Variants in NEURL1 observed in about 807,000 individuals in gnomAD.
The protein encoded by NEURL1 is E3 ubiquitin-protein ligase NEURL1.
A neutral mutation model predicts 41.2 loss-of-function variants in NEURL1; 26 were observed. The ratio of observed to expected loss-of-function variants is 0.63; its 90% CI spans 0.46 to 0.87. The LOEUF (loss-of-function observed/expected upper bound fraction) is 0.87, where lower values mean the gene tolerates loss of function less well. Among genes scored for constraint, NEURL1 ranks in the 40% least tolerant of loss-of-function variants. The pLI is 0.00. For missense variants in NEURL1, 761 were observed against 871.1 expected, an observed-to-expected ratio of 0.87 and a Z score of 1.59; for synonymous variants, 400 against 402.3, an observed-to-expected ratio of 0.99 and a Z score of 0.07.
chr10:103,587,433 A>G (rs1564834648), intron 4 of NEURL1, among the ~76,000 whole-genome samples: 2 of 152,244 alleles, frequency 1.3e-5, no homozygotes, highest in African/African-American at 4.8e-5. Flanking sequence ...CCAGAATTCA[A>G]TATACATTCA....
chr10:103,547,815 C>G (rs1202679372), intron 1 of NEURL1, among the ~76,000 whole-genome samples: 3 of 151,172 alleles, frequency 2.0e-5, no homozygotes, highest in African/African-American at 7.3e-5. Flanking sequence ...TCTCATAATC[C>G]AGGCAGGCCC....
intron 1 of NEURL1, among the ~76,000 whole-genome samples, chr10:103,510,542 C>A (rs1390519106): frequency 6.6e-6 from 1 of 152,178 alleles, no homozygotes; most frequent in Non-Finnish European, 1.5e-5. Context: ...CAACAGCCCC[C>A]CTCCTTGTAG....
At position 103,585,173 on chromosome 10, in the gene NEURL1, G is replaced by A. The variant is rs1307761845; in HGVS notation, c.1287G>A (p.Pro429=). The A allele has an allele frequency of 6.3e-7, 1 of 1,586,098 alleles. No homozygotes were observed. The highest frequency in any genetic ancestry group is 8.5e-7 in the Non-Finnish European group (1 of 1,171,434). Reference sequence around the variant, plus strand: ...AGCTGTGCGTGGACGCCTCGCAGCCGCTTTGGATGCTCTTCGGCCTGCACG... The same window carrying A: ...AGCTGTGCGTGGACGCCTCGCAGCCACTTTGGATGCTCTTCGGCCTGCACG... ...GMQLCVDASQ[P]LWMLFGLHGT... The change falls in exon 4 of 6, where the codon CCG becomes CCA. Residue 429 remains proline (P), a synonymous_variant. Coordinates refer to ENST00000369780, the MANE Select transcript of NEURL1 (RefSeq NM_004210.5).
Position 103,511,286 on chromosome 10 carries a change from G to C in NEURL1, c.85+16814G>C, listed in dbSNP as rs542654774. On this transcript the variant is annotated intron_variant, in intron 1 of 5. Transcript: ENST00000369780. ...CACAGGGGGAGCTCTGGGTCTGCAG[G>C]GACCCCCAGGCCCCCTCTCTTGGCC... Among the ~76,000 whole-genome samples the C allele has an allele frequency of 2.0e-5, 3 of 152,282 alleles. No homozygotes were observed. In the East Asian group the frequency reaches 5.8e-4, roughly 29 times the overall value.
chr10:103,584,484 G>A (rs981338575), intron 3 of NEURL1, 52 bp from the exon 4 acceptor site: 6 of 1,216,332 alleles, frequency 4.9e-6, no homozygotes, highest in African/African-American at 1.6e-5. Flanking sequence ...GGGGCGCGCC[G>A]GGGCCGCCTC....
At chr10:103,496,097 G>A (rs993757880) in intron 1 of NEURL1, among the ~76,000 whole-genome samples, 5 of 150,590 alleles carry the variant, frequency 3.3e-5, no homozygotes, top group South Asian at 2.1e-4. Context: ...GCGACAGAGC[G>A]AGACTCTGTC....
intron 1 of NEURL1, among the ~76,000 whole-genome samples, chr10:103,496,696 G>A (rs2033693852): frequency 6.6e-6 from 1 of 152,210 alleles, no homozygotes; most frequent in Non-Finnish European, 1.5e-5. Flanking sequence ...TTCTCTGCAA[G>A]TGAGAATAAT....
Position 103,509,329 on chromosome 10 carries a change from C to T in NEURL1, c.85+14857C>T, listed in dbSNP as rs145082904. Reference sequence around the variant, plus strand: ...TGAGAATTGTGTTGTTAGGCGATTTCGTCATAGGGGAACAGCACAGAGTGC... The same window carrying T: ...TGAGAATTGTGTTGTTAGGCGATTTTGTCATAGGGGAACAGCACAGAGTGC... On this transcript the variant is annotated intron_variant, in intron 1 of 5. Transcript: ENST00000369780. 1.3e-3 allele frequency among the ~76,000 whole-genome samples: 202 copies of T among 151,994 alleles called. 1 individual carries two copies. The highest frequency in any genetic ancestry group is 4.7e-3 in the African/African-American group (193 of 41,444).
rs573183078 is a variant in NEURL1, at chr10:103,555,736, C to T, written c.86-15136C>T. Among the ~76,000 whole-genome samples the T allele has an allele frequency of 2.0e-5, 3 of 152,248 alleles. No individual in the cohort carries two copies. In the South Asian group the frequency reaches 6.2e-4, roughly 32 times the overall value. On this transcript the variant is annotated intron_variant, in intron 1 of 5. Coordinates refer to ENST00000369780, the MANE Select transcript of NEURL1 (RefSeq NM_004210.5). ...TCCTCTTACCTCCTTGTCCTCTTAC[C>T]AAGGTGCTGACTAGTCCCCAAGTGG...
chr10:103,584,548 T>C lies in NEURL1; in HGVS notation c.662T>C (p.Val221Ala), dbSNP rs2035855469. ...GTCTCCCGCGCAGATAGCGAGCTGGTGCTCCCGGACTGTCTGCGGCCGCGC... is the reference window on the plus strand; with the variant it reads ...GTCTCCCGCGCAGATAGCGAGCTGGCGCTCCCGGACTGTCTGCGGCCGCGC... ...RGVQLLDSEL[V>A]LPDCLRPRSF... is the part of the protein sequence containing the mutation. The change falls in exon 4 of 6, where the codon GTG (valine) becomes GCG (alanine). Residue 221 changes from valine (V) to alanine (A), a missense_variant. Physicochemically the swap from Val to Ala is moderately conservative, Grantham distance 64. Around this residue, in one of 5 missense-constraint regions of NEURL1, gnomAD observed 114 missense variants for 144.8 expected, o/e 0.79. Transcript: ENST00000369780. The C allele has an allele frequency of 3.6e-6, 5 of 1,382,104 alleles. No individual in the cohort carries two copies. The highest frequency in any genetic ancestry group is 4.7e-6 in the Non-Finnish European group (5 of 1,073,800). 85.6% of individuals were successfully genotyped at this position (1,382,104 alleles called of 1,614,324 possible).
Position 103,570,951 on chromosome 10 carries a change from C to T in NEURL1, c.165C>T (p.Ser55=), listed in dbSNP as rs757509316. 2.5e-5 allele frequency: 41 copies of T among 1,613,760 alleles called. No individual in the cohort carries two copies. Among genetic ancestry groups the T allele is most frequent in the East Asian group, 1.1e-4 (5 of 44,890 alleles). ...KQKHCPAVLP[S]GGLPATPLLF... ...AGCACTGTCCGGCAGTGCTGCCCAG[C>T]GGGGGGCTCCCAGCCACGCCGCTGC... Residue 55 remains serine (S), a synonymous_variant, in exon 2 of 6, where the codon AGC becomes AGT. Transcript: ENST00000369780.
At chr10:103,577,537 C>G (rs3781367) in intron 3 of NEURL1, 42,276 of 152,382 alleles carry the variant, frequency 0.28, 6,427 homozygotes, top group East Asian at 0.45. Context: ...GATTTGAACC[C>G]AGGAGCTTGG....
rs1048108205 is a variant in NEURL1, at chr10:103,590,475, A to T, written c.*103A>T. The stretch of plus-strand genomic sequence containing the variant: ...GCCCCTTCTCTTCCTCATTTTGGAA[A>T]CTTTTCCTCCTCTATTAAACATGGG... On this transcript the variant is annotated 3_prime_UTR_variant, in exon 6 of 6. Transcript: ENST00000369780. The T allele has an allele frequency of 9.0e-6, 8 of 887,320 alleles. No individual in the cohort carries two copies. The highest frequency in any genetic ancestry group is 1.4e-5 in the Non-Finnish European group (8 of 561,196). The allele number at this position is 887,320 out of a possible 1,614,324, so 55.0% of individuals were successfully genotyped here. A position where few individuals can be genotyped will look rare whatever the true frequency, so the allele number is the denominator to read the frequency against.
Position 103,543,386 on chromosome 10 carries a change from A to C in NEURL1, c.86-27486A>C, listed in dbSNP as rs2034860756. Among the ~76,000 whole-genome samples the C allele has an allele frequency of 2.0e-5, 3 of 152,278 alleles. No homozygotes were observed. The South Asian group carries it at 6.2e-4, about 32-fold the overall frequency. On this transcript the variant is annotated intron_variant, in intron 1 of 5. Coordinates refer to ENST00000369780, the MANE Select transcript of NEURL1 (RefSeq NM_004210.5). ...TGGTGCTGCGAGGTCACGGCCAGGC[A>C]ATCTGTCACCTTTGGGTCTCACTGG...
chr10:103,512,715 G>A, intron 1 of NEURL1, among the ~76,000 whole-genome samples: 1 of 152,178 alleles, frequency 6.6e-6, no homozygotes, highest in Non-Finnish European at 1.5e-5. Flanking sequence ...CTCAAGGGCA[G>A]GTATGTGTGG....
intron 1 of NEURL1, among the ~76,000 whole-genome samples, chr10:103,565,577 G>A (rs975133509): frequency 3.9e-5 from 6 of 152,218 alleles, no homozygotes; most frequent in African/African-American, 1.4e-4. Flanking sequence ...GGGGTGCCGT[G>A]GTGGTGAGAA....
At chr10:103,509,383 C>T (rs1440363693) in intron 1 of NEURL1, among the ~76,000 whole-genome samples, 1 of 152,178 alleles carries the variant, frequency 6.6e-6, no homozygotes, top group Non-Finnish European at 1.5e-5. Context: ...GGTGTAGCCT[C>T]CTGCACATCT....
rs1385202464 is a variant in NEURL1 at position 103,530,135 on chromosome 10, T to C, written c.85+35663T>C. On this transcript the variant is annotated intron_variant, in intron 1 of 5. Transcript: ENST00000369780. The stretch of plus-strand genomic sequence containing the variant: ...TGGCTTGTCAATTATGTTTATTCTC[T>C]CAAAAAAAACCAACTTTTTTTGTCA... Among the ~76,000 whole-genome samples the C allele has an allele frequency of 4.6e-5, 7 of 152,292 alleles. No individual in the cohort carries two copies. The East Asian group carries it at 9.6e-4, about 21-fold the overall frequency.
At chr10:103,559,431 C>T (rs2035233586) in intron 1 of NEURL1, among the ~76,000 whole-genome samples, 1 of 152,034 alleles carries the variant, frequency 6.6e-6, no homozygotes, top group Non-Finnish European at 1.5e-5. Context: ...GGACAGAGGC[C>T]CTTGCCTGCT....
Sources: gnomAD v4.1 joint callset for allele counts (sites outside exome capture counted in the v4.1 genomes callset) on GRCh38, gnomAD v4.1.1 for gene constraint, gnomAD v4.1.1 regional missense constraint, MANE v1.5 for transcripts, NCBI Gene and HGNC (gene_info 2026-07-23, HGNC 2026-07-21) for gene names.